The following SLC6A18 variants were observed in gnomAD, a reference collection of about 807,000 sequenced individuals.
SLC6A18 encodes inactive sodium-dependent neutral amino acid transporter B(0)AT3.
In SLC6A18, 58 loss-of-function variants were observed where a neutral mutation model predicts 62.9. That is an observed-to-expected ratio of 0.92 (90% CI 0.75 to 1.15). The LOEUF is 1.15. Among genes scored for constraint, SLC6A18 ranks in the 50% most tolerant of loss-of-function variants. The pLI, the probability that SLC6A18 is intolerant of heterozygous loss-of-function variation, is 0.00. For missense variants in SLC6A18, 793 were observed against 836.6 expected (o/e 0.95, Z 0.64); for synonymous variants, 382 against 365.8 (o/e 1.04, Z -0.51).
At chr5:1,226,478 C>T (rs1226040102) in intron 1 of SLC6A18, among the ~76,000 whole-genome samples, 1 of 152,214 alleles carries the variant, frequency 6.6e-6, no homozygotes, top group Non-Finnish European at 1.5e-5. Context: ...GCCTGTTCCC[C>T]GGGCCCTCAG....
chr5:1,241,376 A>G lies in SLC6A18; in HGVS notation c.974+717A>G, dbSNP rs1747055779. Among the ~76,000 whole-genome samples the G allele has an allele frequency of 6.6e-6, 1 of 152,240 alleles. No individual in the cohort carries two copies. Among genetic ancestry groups the G allele is most frequent in the East Asian group, 1.9e-4 (1 of 5,180 alleles). Reference sequence around the variant, plus strand: ...CTGGCAGTATATGGAGACATTTTTGATTGGCCACACTTGTGTGAGGGGTGT... The same window carrying G: ...CTGGCAGTATATGGAGACATTTTTGGTTGGCCACACTTGTGTGAGGGGTGT... On this transcript the variant is annotated intron_variant, in intron 7 of 11. Coordinates refer to ENST00000324642, the MANE Select transcript of SLC6A18 (RefSeq NM_182632.3). This position sits in a 1 kb window ranked among gnomAD's most constrained non-coding sequence, Gnocchi z 7.8.
intron 4 of SLC6A18, among the ~76,000 whole-genome samples, chr5:1,236,745 C>T (rs548859471): frequency 2.8e-4 from 41 of 145,656 alleles, no homozygotes; most frequent in African/African-American, 8.8e-4. Flanking sequence ...TGTCTCAGGA[C>T]GCCAGTGCCC....
intron 1 of SLC6A18, among the ~76,000 whole-genome samples, chr5:1,230,873 A>T (rs192417904): frequency 1.8e-4 from 27 of 152,296 alleles, no homozygotes; most frequent in Non-Finnish European, 3.2e-4. Context: ...CTGGGCACAG[A>T]CGTGGAGCTG....
At chr5:1,235,030 G>A (rs1036578511) in intron 3 of SLC6A18, among the ~76,000 whole-genome samples, 1 of 152,236 alleles carries the variant, frequency 6.6e-6, no homozygotes, top group African/African-American at 2.4e-5. Context: ...CCGTCAAGGA[G>A]GAAGTGGGAG....
Position 1,246,132 on chromosome 5 carries a change from T to A in SLC6A18, c.*54T>A. ...GGGTCTGTGGGGGGGCTTGGCCTGA[T>A]GGTGGGCGGGGCCCCGCCCACAGGG... On this transcript the variant is annotated 3_prime_UTR_variant, in exon 12 of 12. Coordinates refer to ENST00000324642, the MANE Select transcript of SLC6A18 (RefSeq NM_182632.3). 7.1e-7 allele frequency: 1 copy of A among 1,413,692 alleles called. No individual in the cohort carries two copies. The allele number at this position is 1,413,692 out of a possible 1,614,324, so 87.6% of individuals were successfully genotyped here.
In SLC6A18 at chr5:1,227,859, ACT is replaced by A. The variant is rs551317721; in HGVS notation, c.160+2225_160+2226del. ...TGGGTTCAGGCCAGCTGCCCGGGAC[ACT>A]CTAACACTTGCTGTGGTTTAAGGTT... On this transcript the variant is annotated intron_variant, in intron 1 of 11. Transcript: ENST00000324642. Among the ~76,000 whole-genome samples, 80 of 152,228 alleles carry A rather than the reference ACT, an allele frequency of 5.3e-4. 1 individual carries two copies. In the South Asian group the frequency reaches 0.016, roughly 31 times the overall value.
Position 1,243,054 on chromosome 5 carries a change from G to A in SLC6A18, c.1131+191G>A, listed in dbSNP as rs1747107274. 6.6e-6 allele frequency among the ~76,000 whole-genome samples: 1 copy of A among 152,240 alleles called. No homozygotes were observed. The highest frequency in any genetic ancestry group is 2.4e-5 in the African/African-American group (1 of 41,466). Reference sequence around the variant, plus strand: ...TCCTGGAAAGCCCGAAGTCCTGGGGGCAGCTGTGTCCAGCAGACGCTGCAC... The same window carrying A: ...TCCTGGAAAGCCCGAAGTCCTGGGGACAGCTGTGTCCAGCAGACGCTGCAC... On this transcript the variant is annotated intron_variant, in intron 8 of 11. Transcript: ENST00000324642. The surrounding 1 kb of genome is among the most constrained non-coding windows in gnomAD (Gnocchi z 6.5).
At chr5:1,228,990 G>T (rs182634812) in intron 1 of SLC6A18, among the ~76,000 whole-genome samples, 1 of 152,246 alleles carries the variant, frequency 6.6e-6, no homozygotes, top group Non-Finnish European at 1.5e-5. Context: ...CGCATTCAAC[G>T]TAAAGACTGC....
At chr5:1,233,406 A>T (rs1179552236) in intron 3 of SLC6A18, among the ~76,000 whole-genome samples, 1 of 151,610 alleles carries the variant, frequency 6.6e-6, no homozygotes, top group Non-Finnish European at 1.5e-5. Flanking sequence ...TGAACCCGGG[A>T]AGTGGAGGTT....
chr5:1,243,041 C>T lies in SLC6A18; in HGVS notation c.1131+178C>T, dbSNP rs949803656. Among the ~76,000 whole-genome samples the T allele has an allele frequency of 1.3e-5, 2 of 152,218 alleles. No individual in the cohort carries two copies. Among genetic ancestry groups the T allele is most frequent in the Non-Finnish European group, 2.9e-5 (2 of 68,030 alleles). ...AGGTTGCCAGGCCTCCTGGAAAGCC[C>T]GAAGTCCTGGGGGCAGCTGTGTCCA... On this transcript the variant is annotated intron_variant, in intron 8 of 11. Coordinates refer to ENST00000324642, the MANE Select transcript of SLC6A18 (RefSeq NM_182632.3). The surrounding 1 kb of genome is among the most constrained non-coding windows in gnomAD (Gnocchi z 6.5).
intron 11 of SLC6A18, among the ~76,000 whole-genome samples, chr5:1,245,265 G>T (rs1332793848): frequency 6.6e-6 from 1 of 152,130 alleles, no homozygotes; most frequent in Non-Finnish European, 1.5e-5. Context: ...AGATCAGAGT[G>T]CCAGCCACAC....
At position 1,241,597 on chromosome 5, in the gene SLC6A18, G is replaced by A. The variant is rs1747061601; in HGVS notation, c.974+938G>A. 6.6e-6 allele frequency among the ~76,000 whole-genome samples: 1 copy of A among 152,128 alleles called. No individual in the cohort carries two copies. The highest frequency in any genetic ancestry group is 1.5e-5 in the Non-Finnish European group (1 of 68,020). On this transcript the variant is annotated intron_variant, in intron 7 of 11. Coordinates refer to ENST00000324642, the MANE Select transcript of SLC6A18 (RefSeq NM_182632.3). The surrounding 1 kb of genome is among the most constrained non-coding windows in gnomAD (Gnocchi z 7.8). ...TCACCAAGAAAACGCACACAAAAGT[G>A]GAAAACATGGCACTCACAGGCCACA...
Position 1,241,449 on chromosome 5 carries a change from C to T in SLC6A18, c.974+790C>T, listed in dbSNP as rs1352050711. ...GCCGAGGATACCTCGCAGCACCCTA[C>T]AGTGTCCAGGACGGCCCCACCCAGA... is the stretch of plus-strand genomic sequence containing the variant. On this transcript the variant is annotated intron_variant, in intron 7 of 11. Transcript: ENST00000324642. This position sits in a 1 kb window ranked among gnomAD's most constrained non-coding sequence, Gnocchi z 7.8. Among the ~76,000 whole-genome samples the T allele has an allele frequency of 6.6e-6, 1 of 152,206 alleles. No homozygotes were observed. The highest frequency in any genetic ancestry group is 1.5e-5 in the Non-Finnish European group (1 of 68,038).
rs566588642 is a variant in SLC6A18, at chr5:1,243,963, C to A, written c.1336+204C>A. 5.9e-5 allele frequency among the ~76,000 whole-genome samples: 9 copies of A among 152,294 alleles called. No homozygotes were observed. The South Asian group carries it at 8.3e-4, about 14-fold the overall frequency. ...GGGAGGGTCAGGGCTGCCCCTCCCC[C>A]ACGGCCCCGGAGGCCACATCCCCCA... On this transcript the variant is annotated intron_variant, in intron 9 of 11. Coordinates refer to ENST00000324642, the MANE Select transcript of SLC6A18 (RefSeq NM_182632.3). This position sits in a 1 kb window ranked among gnomAD's most constrained non-coding sequence, Gnocchi z 6.5.
Position 1,244,335 on chromosome 5 carries a change from C to A in SLC6A18, c.1458C>A (p.Leu486=), listed in dbSNP as rs367707774. The change falls in exon 10 of 12, where the codon CTC becomes CTA. Residue 486 remains leucine, a synonymous_variant. Coordinates refer to ENST00000324642, the MANE Select transcript of SLC6A18 (RefSeq NM_182632.3). ...CGAACCTGCTCATGTTGGCCTTTCT[C>A]GAGGTTGTGGGTGTCGTTTATGTTT... The part of the protein sequence containing the change: ...ASPNLLMLAF[L]EVVGVVYVYG... 1.2e-6 allele frequency: 2 copies of A among 1,614,152 alleles called. No individual in the cohort carries two copies. Among genetic ancestry groups the A allele is most frequent in the South Asian group, 2.2e-5 (2 of 91,076 alleles).
chr5:1,244,543 C>T, intron 10 of SLC6A18, 65 bp from the exon 11 acceptor site: 1 of 1,551,274 alleles, frequency 6.4e-7, no homozygotes, highest in South Asian at 1.2e-5. Context: ...AGGGTCCGAT[C>T]CTCGGCTTGG....
intron 11 of SLC6A18, among the ~76,000 whole-genome samples, chr5:1,245,057 C>T (rs1036370083): frequency 6.6e-5 from 10 of 152,268 alleles, no homozygotes; most frequent in Admixed American, 6.5e-4. Flanking sequence ...CCAGGGACCC[C>T]ACAGGGCCCT....
chr5:1,240,482 G>A, intron 6 of SLC6A18, 49 bp from the exon 7 acceptor site: 2 of 1,608,616 alleles, frequency 1.2e-6, no homozygotes, highest in Non-Finnish European at 1.7e-6. Context: ...CCTGGATGAG[G>A]CCCAGTTACC....
Position 1,240,391 on chromosome 5 carries a change from A to T in SLC6A18, c.846-140A>T, listed in dbSNP as rs1345657839. ...GCCATTCTGAGACTCCAGGACTGGC[A>T]GCAGCAGCCCTTGGGTCAGAGAAGG... is the stretch of plus-strand genomic sequence containing the variant. On this transcript the variant is annotated intron_variant, in intron 6 of 11. Coordinates refer to ENST00000324642, the MANE Select transcript of SLC6A18 (RefSeq NM_182632.3). The T allele has an allele frequency of 2.4e-6, 3 of 1,273,260 alleles. No homozygotes were observed. In the African/African-American group the frequency reaches 4.5e-5, roughly 19 times the overall value. 78.9% of individuals were successfully genotyped at this position (1,273,260 alleles called of 1,614,324 possible). A position where few individuals can be genotyped will look rare whatever the true frequency, so the allele number is the denominator to read the frequency against.
Sources: gnomAD v4.1 joint callset for allele counts (sites outside exome capture counted in the v4.1 genomes callset) on GRCh38, gnomAD v4.1.1 for gene constraint, Gnocchi (gnomAD v3.1) non-coding constraint, MANE v1.5 for transcripts, NCBI Gene and HGNC (gene_info 2026-07-23, HGNC 2026-07-21) for gene names.